The following ABL1 variants were observed in gnomAD, a reference collection of about 807,000 sequenced individuals.
ABL1 encodes ABL proto-oncogene 1, non-receptor tyrosine kinase.
In ABL1, 11 loss-of-function variants were observed where a neutral mutation model predicts 94.7. The observed-to-expected ratio is 0.12, with a 90% CI of 0.07 to 0.19. ABL1 has a LOEUF of 0.19. Ranked by LOEUF, ABL1 falls within the 10% of genes least tolerant of loss-of-function variation. The pLI is 1.00. For missense variants in ABL1, 1,082 were observed against 1,489.4 expected (o/e 0.73, Z 4.50); for synonymous variants, 656 against 622.4 (o/e 1.05, Z -0.80).
At chr9:130,766,027 T>A (rs184501120) in intron 1 of ABL1, among the ~76,000 whole-genome samples, 1 of 152,304 alleles carries the variant, frequency 6.6e-6, no homozygotes, top group East Asian at 1.9e-4. Context: ...TTCATCAGAC[T>A]GTATTTGGCA....
At chr9:130,716,627 G>A (rs575640199) in intron 1 of ABL1, among the ~76,000 whole-genome samples, 8 of 152,230 alleles carry the variant, frequency 5.3e-5, no homozygotes, top group African/African-American at 1.9e-4. Flanking sequence ...TTGAAACTAT[G>A]ACAAACTATG....
rs1368653876 is a variant in ABL1, at chr9:130,835,349, G to C, written c.-98G>C. On this transcript the variant is annotated 5_prime_UTR_variant, in exon 1 of 11. Coordinates refer to ENST00000318560, the MANE Select transcript of ABL1 (RefSeq NM_005157.6). The surrounding 1 kb of genome is among the most constrained non-coding windows in gnomAD (Gnocchi z 4.6). ...CGGTGAGGGCGGCTGGCGGGGCCGG[G>C]GGCGCCGGGGGGGCGCGCGGGCCGA... The C allele has an allele frequency of 2.7e-5, 11 of 409,258 alleles. No homozygotes were observed. Among genetic ancestry groups the C allele is most frequent in the Non-Finnish European group, 3.0e-5 (11 of 371,628 alleles). The allele number at this position is 409,258 out of a possible 1,614,324, so 25.4% of individuals were successfully genotyped here. A position where few individuals can be genotyped will look rare whatever the true frequency, so the allele number is the denominator to read the frequency against.
intron 1 of ABL1, among the ~76,000 whole-genome samples, chr9:130,775,907 G>T (rs1057089106): frequency 2.0e-5 from 3 of 152,200 alleles, no homozygotes; most frequent in Admixed American, 6.5e-5. Flanking sequence ...AAAGAAGACA[G>T]TGGAACAGTA....
At chr9:130,774,045 A>G (rs141633858) in intron 1 of ABL1, among the ~76,000 whole-genome samples, 3,305 of 152,262 alleles carry the variant, frequency 0.022, 56 homozygotes, top group Middle Eastern at 0.051. Context: ...GTCATATACT[A>G]TGTACTCTTC....
At chr9:130,743,618 C>T (rs1259880601) in intron 1 of ABL1, among the ~76,000 whole-genome samples, 2 of 152,198 alleles carry the variant, frequency 1.3e-5, no homozygotes, top group African/African-American at 4.8e-5. Context: ...TTATTACTTA[C>T]TGATCCCAGA....
intron 4 of ABL1, among the ~76,000 whole-genome samples, chr9:130,865,746 C>CAA (rs36055589): frequency 0.027 from 1,629 of 61,074 alleles, 49 homozygotes; most frequent in African/African-American, 0.074. Context: ...ACCCTGTCTC[C>CAA]AAAAAAAAAA....
At chr9:130,859,906 C>T (rs1044224103) in intron 3 of ABL1, among the ~76,000 whole-genome samples, 13 of 152,038 alleles carry the variant, frequency 8.6e-5, no homozygotes, top group African/African-American at 2.4e-4. Context: ...GTTTCGAACG[C>T]CTGACCTCGT....
In ABL1 at chr9:130,854,076, G is replaced by A. The variant is rs368476764; in HGVS notation, c.92G>A (p.Arg31Gln). 5.5e-5 allele frequency: 88 copies of A among 1,612,262 alleles called. No individual in the cohort carries two copies. Among genetic ancestry groups the A allele is most frequent in the South Asian group, 4.8e-4 (44 of 90,778 alleles). ...SSCYLEEALQ[R>Q]PVASDFEPQG... is the part of the protein sequence containing the mutation. Reference sequence around the variant, plus strand: ...CTTTCTCTTCCAGAAGCCCTTCAGCGGCCAGTAGCATCTGACTTTGAGCCT... The same window carrying A: ...CTTTCTCTTCCAGAAGCCCTTCAGCAGCCAGTAGCATCTGACTTTGAGCCT... Residue 31 changes from arginine (R) to glutamine (Q), a missense_variant, in exon 2 of 11, where the codon CGG (arginine) becomes CAG (glutamine). By Grantham distance (43) the Arg-to-Gln change is conservative. Around this residue, in one of 7 missense-constraint regions of ABL1, gnomAD observed 65 missense variants for 80.8 expected, o/e 0.80. Coordinates refer to ENST00000318560, the MANE Select transcript of ABL1 (RefSeq NM_005157.6).
chr9:130,823,047 C>A (rs187971006), intron 1 of ABL1, among the ~76,000 whole-genome samples: 2 of 152,098 alleles, frequency 1.3e-5, no homozygotes, highest in Admixed American at 1.3e-4. Context: ...CCTCCCACCT[C>A]GGCCTCCCAA....
intron 6 of ABL1, among the ~76,000 whole-genome samples, chr9:130,874,233 C>G (rs1564319402): frequency 6.6e-6 from 1 of 152,182 alleles, no homozygotes; most frequent in Non-Finnish European, 1.5e-5. Flanking sequence ...AGACTCCTAC[C>G]TCCCTGGGAG....
At chr9:130,727,159 T>G (rs1831596922) in intron 1 of ABL1, among the ~76,000 whole-genome samples, 1 of 152,192 alleles carries the variant, frequency 6.6e-6, no homozygotes, top group Admixed American at 6.5e-5. Context: ...ATCAAGTTGT[T>G]TCATGCTTTT....
intron 1 of ABL1, among the ~76,000 whole-genome samples, chr9:130,757,927 GAA>G (rs1180361273): frequency 1.3e-5 from 2 of 152,166 alleles, no homozygotes; most frequent in African/African-American, 4.8e-5. Context: ...AAGATTTTGA[GAA>G]AGTGAGGAAG....
intron 4 of ABL1, among the ~76,000 whole-genome samples, chr9:130,868,209 C>T (rs545044704): frequency 1.4e-4 from 21 of 152,250 alleles, no homozygotes; most frequent in Non-Finnish European, 2.2e-4. Context: ...CTGCCCTCCT[C>T]GGCCTCCCAA....
At position 130,861,847 on chromosome 9, in the gene ABL1, C is replaced by G. The variant is rs545080446; in HGVS notation, c.550-916C>G. ...GAATTGTTTTTGGTAAGGAAGTATT[C>G]CCTTGCCACACCAATGAAAAGAGAA... On this transcript the variant is annotated intron_variant, in intron 3 of 10. Transcript: ENST00000318560. Among the ~76,000 whole-genome samples the G allele has an allele frequency of 5.0e-4, 76 of 152,296 alleles. 1 individual carries two copies. Among genetic ancestry groups the G allele is most frequent in the African/African-American group, 1.8e-3 (73 of 41,564 alleles).
At chr9:130,784,993 C>T (rs1042230217) in intron 1 of ABL1, among the ~76,000 whole-genome samples, 3 of 152,240 alleles carry the variant, frequency 2.0e-5, no homozygotes, top group African/African-American at 7.2e-5. Context: ...TCCCTTCAAC[C>T]TGACGACCAG....
chr9:130,854,079 C>CAGT lies in ABL1; in HGVS notation c.98_100dup (p.Val33dup). 6.2e-7 allele frequency: 1 copy of CAGT among 1,613,432 alleles called. No individual in the cohort carries two copies. Among genetic ancestry groups the CAGT allele is most frequent in the Non-Finnish European group, 8.5e-7 (1 of 1,179,734 alleles). On this transcript the variant is annotated inframe_insertion, in exon 2 of 11. Transcript: ENST00000318560. ...TCTCTTCCAGAAGCCCTTCAGCGGC[C>CAGT]AGTAGCATCTGACTTTGAGCCTCAG... is the stretch of plus-strand genomic sequence containing the variant.
intron 1 of ABL1, among the ~76,000 whole-genome samples, chr9:130,782,035 G>A (rs1410629395): frequency 6.6e-6 from 1 of 151,772 alleles, no homozygotes; most frequent in Non-Finnish European, 1.5e-5. Flanking sequence ...CCTTATTGTG[G>A]AGCACAGTGA....
At chr9:130,787,362 G>A (rs529719887) in intron 1 of ABL1, among the ~76,000 whole-genome samples, 3 of 152,240 alleles carry the variant, frequency 2.0e-5, no homozygotes, top group African/African-American at 7.2e-5. Context: ...GTGTTTGTGT[G>A]TGTGTGTGGT....
chr9:130,816,865 G>A (rs968826347), intron 1 of ABL1, among the ~76,000 whole-genome samples: 6 of 152,120 alleles, frequency 3.9e-5, no homozygotes, highest in African/African-American at 9.7e-5. Context: ...CACCACACCT[G>A]GCTAATTTTT....
Sources: gnomAD v4.1 joint callset for allele counts (sites outside exome capture counted in the v4.1 genomes callset) on GRCh38, gnomAD v4.1.1 for gene constraint, gnomAD v4.1.1 regional missense constraint, Gnocchi (gnomAD v3.1) non-coding constraint, MANE v1.5 for transcripts, NCBI Gene and HGNC (gene_info 2026-07-23, HGNC 2026-07-21) for gene names.